The following DPP10 variants were observed in gnomAD, a reference collection of about 807,000 sequenced individuals.
The protein encoded by DPP10 is dipeptidyl peptidase like 10.
A neutral mutation model predicts 120.9 loss-of-function variants in DPP10; 33 were observed. The observed-to-expected ratio is 0.27, with a 90% CI of 0.21 to 0.37. The LOEUF (loss-of-function observed/expected upper bound fraction) is 0.37. DPP10 is among the 10% of genes least tolerant of loss of function. The probability of loss-of-function intolerance (pLI) is 1.00; values close to 1 mark genes in which losing one functional copy is unlikely to be tolerated. For synonymous variants in DPP10, 337 were observed against 326.1 expected, an observed-to-expected ratio of 1.03 and a Z score of -0.36; for missense variants, 816 against 942.8, an observed-to-expected ratio of 0.87 and a Z score of 1.76.
Position 115,097,465 on chromosome 2 carries a change from G to A in DPP10, c.61-211774G>A, listed in dbSNP as rs535185188. ...TGAAGAATTTCTTTATATCATGACT[G>A]TGATTGGCTAGTTAACAAACTATAA... On this transcript the variant is annotated intron_variant, in intron 1 of 25. Transcript: ENST00000410059. Among the ~76,000 whole-genome samples the A allele has an allele frequency of 3.3e-5, 5 of 152,292 alleles. No homozygotes were observed. The South Asian group carries it at 1.0e-3, about 32-fold the overall frequency.
At chr2:115,256,007 G>A (rs1405319862) in intron 1 of DPP10, among the ~76,000 whole-genome samples, 1 of 152,078 alleles carries the variant, frequency 6.6e-6, no homozygotes, top group East Asian at 1.9e-4. Flanking sequence ...TCTCTTTACG[G>A]CAGCACCCAA....
chr2:115,129,789 T>C (rs913643947), intron 1 of DPP10, among the ~76,000 whole-genome samples: 4 of 152,176 alleles, frequency 2.6e-5, no homozygotes, highest in Non-Finnish European at 5.9e-5. Context: ...TTTGATAGAA[T>C]GCAAAATTGC....
chr2:114,532,249 A>G (rs563780150), intron 1 of DPP10, among the ~76,000 whole-genome samples: 1 of 114,582 alleles, frequency 8.7e-6, no homozygotes, highest in East Asian at 2.2e-4. Flanking sequence ...TTCCCATAAT[A>G]AATCTCCATA....
intron 1 of DPP10, among the ~76,000 whole-genome samples, chr2:115,015,375 C>A (rs765523838): frequency 6.6e-6 from 1 of 152,132 alleles, no homozygotes; most frequent in Non-Finnish European, 1.5e-5. Context: ...CTCTTTATGA[C>A]AAACCCACAG....
chr2:114,820,863 C>T (rs1265499267), intron 1 of DPP10, among the ~76,000 whole-genome samples: 3 of 152,202 alleles, frequency 2.0e-5, no homozygotes, highest in Non-Finnish European at 2.9e-5. Context: ...TGGACCCTCC[C>T]AAATCTCATG....
chr2:115,133,566 C>T (rs973333120), intron 1 of DPP10, among the ~76,000 whole-genome samples: 3 of 151,988 alleles, frequency 2.0e-5, no homozygotes, highest in Non-Finnish European at 2.9e-5. Context: ...TATCAGGCGT[C>T]GTGAGGTATC....
intron 3 of DPP10, among the ~76,000 whole-genome samples, chr2:115,481,432 C>T (rs1385795360): frequency 6.6e-6 from 1 of 152,050 alleles, no homozygotes; most frequent in African/African-American, 2.4e-5. Flanking sequence ...GTATAAGCAT[C>T]GTTCATTCAT....
At chr2:114,714,214 A>G (rs957256794) in intron 1 of DPP10, among the ~76,000 whole-genome samples, 3 of 151,922 alleles carry the variant, frequency 2.0e-5, no homozygotes, top group African/African-American at 4.8e-5. Flanking sequence ...ATCTATGAAC[A>G]TGACAAGCAT....
intron 4 of DPP10, 89 bp from the exon 5 acceptor site, chr2:115,525,809 C>G: frequency 2.3e-6 from 2 of 882,238 alleles, no homozygotes; most frequent in Non-Finnish European, 3.4e-6. Flanking sequence ...TTTTATAGTG[C>G]TATGAAAATT....
intron 2 of DPP10, among the ~76,000 whole-genome samples, chr2:115,336,558 ACTCTCT>A (rs70941045): frequency 0.053 from 7,644 of 144,296 alleles, 243 homozygotes; most frequent in Non-Finnish European, 0.069. Flanking sequence ...ATACATGTGT[ACTCTCT>A]CTCTCTCTCT....
chr2:114,801,200 T>G (rs1684176518), intron 1 of DPP10, among the ~76,000 whole-genome samples: 1 of 149,232 alleles, frequency 6.7e-6, no homozygotes, highest in African/African-American at 2.5e-5. Flanking sequence ...GAGGCAGAGA[T>G]TGCGGTGAGC....
chr2:114,468,408 A>C (rs1033426605), intron 1 of DPP10, among the ~76,000 whole-genome samples: 4 of 151,580 alleles, frequency 2.6e-5, no homozygotes, highest in African/African-American at 9.7e-5. Context: ...AAAAAAAAAA[A>C]AAAAAAAAAA....
At chr2:115,712,916 A>G (rs972046416) in intron 7 of DPP10, among the ~76,000 whole-genome samples, 5 of 152,100 alleles carry the variant, frequency 3.3e-5, no homozygotes, top group African/African-American at 1.2e-4. Flanking sequence ...TGCATGCTAT[A>G]CAAAAAGAGG....
At chr2:114,854,977 G>A (rs138444179) in intron 1 of DPP10, among the ~76,000 whole-genome samples, 182 of 152,184 alleles carry the variant, frequency 1.2e-3, no homozygotes, top group African/African-American at 4.1e-3. Context: ...TGAAATTGCT[G>A]GTCTACTTCT....
chr2:115,153,662 C>T (rs1573805723), intron 1 of DPP10, among the ~76,000 whole-genome samples: 1 of 152,130 alleles, frequency 6.6e-6, no homozygotes, highest in South Asian at 2.1e-4. Flanking sequence ...CCAAAATAAC[C>T]CTTTCAAAAA....
intron 1 of DPP10, among the ~76,000 whole-genome samples, chr2:114,607,472 G>T: frequency 6.6e-6 from 1 of 152,142 alleles, no homozygotes; most frequent in Non-Finnish European, 1.5e-5. Flanking sequence ...CTTAAATCTT[G>T]CACATAATGA....
At chr2:115,447,677 C>T (rs1174445247) in intron 3 of DPP10, among the ~76,000 whole-genome samples, 2 of 152,118 alleles carry the variant, frequency 1.3e-5, no homozygotes. Context: ...TTCCTGCTGC[C>T]TTTTGAACCA....
At position 115,402,854 on chromosome 2, in the gene DPP10, A is replaced by ATATATATAT. The variant is rs1553584380; in HGVS notation, c.271+58942_271+58943insTATATATAT. On this transcript the variant is annotated intron_variant, in intron 3 of 25. Transcript: ENST00000410059. Reference sequence around the variant, plus strand: ...AGGACACTACAAGGAAAAAAAAAAAAATATATATATATATATATATATGTG... The same window carrying ATATATATAT: ...AGGACACTACAAGGAAAAAAAAAAAATATATATATATATATATATATATATATATATGTG... Among the ~76,000 whole-genome samples, 340 of 97,596 alleles carry ATATATATAT rather than the reference A, an allele frequency of 3.5e-3. 2 individuals carry two copies. Among genetic ancestry groups the ATATATATAT allele is most frequent in the African/African-American group, 0.01 (256 of 25,410 alleles). The allele number at this position is 97,596 out of a possible 152,430, so 64.0% of individuals were successfully genotyped here. A position where few individuals can be genotyped will look rare whatever the true frequency, so the allele number is the denominator to read the frequency against.
intron 3 of DPP10, among the ~76,000 whole-genome samples, chr2:115,475,251 C>T (rs147032384): frequency 6.6e-6 from 1 of 152,194 alleles, no homozygotes; most frequent in Non-Finnish European, 1.5e-5. Context: ...GGACACTACT[C>T]CCTGCATCCC....
Sources: allele counts gnomAD v4.1 joint callset (sites outside exome capture counted in the v4.1 genomes callset), GRCh38; gene constraint gnomAD v4.1.1; transcripts MANE v1.5; gene names NCBI Gene and HGNC (gene_info 2026-07-23, HGNC 2026-07-21).